Variants in C8orf34 observed in about 807,000 individuals in gnomAD.
C8orf34 encodes uncharacterized protein C8orf34.
In C8orf34, 65 loss-of-function variants were observed where a neutral mutation model predicts 68.3. That is an observed-to-expected ratio of 0.95 (90% CI 0.78 to 1.17). The LOEUF (loss-of-function observed/expected upper bound fraction) is 1.17, where lower values mean the gene tolerates loss of function less well. Ranked by LOEUF, C8orf34 falls within the 50% of genes most tolerant of loss-of-function variation. The probability of loss-of-function intolerance (pLI) is 0.00; values close to 1 mark genes in which losing one functional copy is unlikely to be tolerated. For synonymous variants in C8orf34, 244 were observed against 241.2 expected, an observed-to-expected ratio of 1.01 and a Z score of -0.11; for missense variants, 664 against 655.4, an observed-to-expected ratio of 1.01 and a Z score of -0.14.
At chr8:68,742,846 T>C (rs897079765) in intron 10 of C8orf34, among the ~76,000 whole-genome samples, 3 of 152,236 alleles carry the variant, frequency 2.0e-5, no homozygotes, top group Non-Finnish European at 4.4e-5. Context: ...TATTTCATCC[T>C]TCTGTGGAAA....
chr8:68,532,868 G>A (rs1245826470), intron 6 of C8orf34, 115 bp from the exon 7 acceptor site: 1 of 682,542 alleles, frequency 1.5e-6, no homozygotes, highest in Non-Finnish European at 2.4e-6. Context: ...CATTATCCTT[G>A]GGGAAAACTT....
At chr8:68,535,481 G>T in intron 7 of C8orf34, 2 of 965,480 alleles carry the variant, frequency 2.1e-6, no homozygotes, top group Non-Finnish European at 1.2e-6. Context: ...TATAAAAAAG[G>T]ATTATTCTTC....
intron 3 of C8orf34, among the ~76,000 whole-genome samples, chr8:68,459,834 T>C (rs1310859999): frequency 1.3e-5 from 2 of 152,194 alleles, no homozygotes; most frequent in African/African-American, 4.8e-5. Context: ...TAGGAACAGC[T>C]CCGGTCTACA....
At chr8:68,607,929 A>G (rs1817903430) in intron 7 of C8orf34, among the ~76,000 whole-genome samples, 1 of 152,144 alleles carries the variant, frequency 6.6e-6, no homozygotes, top group African/African-American at 2.4e-5. Flanking sequence ...AAGATGAATT[A>G]TAGAGCGACT....
intron 8 of C8orf34, among the ~76,000 whole-genome samples, chr8:68,670,095 A>G (rs985478167): frequency 1.3e-5 from 2 of 152,176 alleles, no homozygotes; most frequent in African/African-American, 4.8e-5. Flanking sequence ...TTTTCATCTT[A>G]GTATACTGAT....
At chr8:68,505,885 T>C (rs1459059361) in intron 5 of C8orf34, among the ~76,000 whole-genome samples, 1 of 152,292 alleles carries the variant, frequency 6.6e-6, no homozygotes, top group South Asian at 2.1e-4. Context: ...CTAGCAAATA[T>C]ATATTTTTTT....
Position 68,521,781 on chromosome 8 carries a change from T to G in C8orf34, c.766-18T>G. ...AGAAAAAGCCATCTAAGACAGCATA[T>G]TCTTTTCTTCTCTTCAGGAAACAGT... On this transcript the variant is annotated intron_variant, in intron 5 of 13. Coordinates refer to ENST00000518698, the MANE Select transcript of C8orf34 (RefSeq NM_052958.4). 6.2e-7 allele frequency: 1 copy of G among 1,604,334 alleles called. No homozygotes were observed. The highest frequency in any genetic ancestry group is 8.5e-7 in the Non-Finnish European group (1 of 1,174,726).
chr8:68,646,968 A>T (rs1177202291), intron 8 of C8orf34, among the ~76,000 whole-genome samples: 1 of 152,144 alleles, frequency 6.6e-6, no homozygotes. Flanking sequence ...TTTAATTCTA[A>T]AGCTTCTGCA....
intron 10 of C8orf34, among the ~76,000 whole-genome samples, chr8:68,746,224 A>G (rs1468005321): frequency 5.3e-5 from 8 of 151,804 alleles, no homozygotes; most frequent in African/African-American, 1.9e-4. Flanking sequence ...TCTCTCGGAC[A>G]CATTCAAAGC....
Position 68,709,041 on chromosome 8 carries a change from T to C in C8orf34, c.1289T>C (p.Ile430Thr). The change falls in exon 9 of 14, where the codon ATA becomes ACA. Residue 430 changes from isoleucine (I) to threonine (T), a missense_variant. Coordinates refer to ENST00000518698, the MANE Select transcript of C8orf34 (RefSeq NM_052958.4). ...GAAAGGACAGAAGAGTCACTACCAA[T>C]ACTCCATTCTCCAGATGAAAAAATC... ...LEERTEESLPILHSPDEKIPD... is the reference protein window; with the variant it reads ...LEERTEESLPTLHSPDEKIPD... The C allele has an allele frequency of 6.2e-7, 1 of 1,611,114 alleles. No individual in the cohort carries two copies. The highest frequency in any genetic ancestry group is 1.3e-5 in the African/African-American group (1 of 74,800).
At chr8:68,807,809 A>T (rs982612877) in intron 12 of C8orf34, among the ~76,000 whole-genome samples, 2 of 152,216 alleles carry the variant, frequency 1.3e-5, no homozygotes, top group African/African-American at 4.8e-5. Context: ...ACAATCTGAG[A>T]TTATTTGAAT....
At chr8:68,722,788 C>G (rs907401392) in intron 10 of C8orf34, among the ~76,000 whole-genome samples, 4 of 151,970 alleles carry the variant, frequency 2.6e-5, no homozygotes, top group Non-Finnish European at 5.9e-5. Flanking sequence ...ATGAAACACA[C>G]ACATACATAT....
At chr8:68,727,303 C>T (rs1400494740) in intron 10 of C8orf34, among the ~76,000 whole-genome samples, 1 of 152,208 alleles carries the variant, frequency 6.6e-6, no homozygotes, top group Non-Finnish European at 1.5e-5. Context: ...CCAAGTCACA[C>T]TGATGCAAGA....
intron 7 of C8orf34, among the ~76,000 whole-genome samples, chr8:68,620,989 G>A (rs1401893440): frequency 2.6e-5 from 4 of 152,118 alleles, no homozygotes; most frequent in Non-Finnish European, 4.4e-5. Context: ...CATAGAGTTA[G>A]AAATATATAA....
At chr8:68,392,101 G>A (rs1350386747) in intron 1 of C8orf34, among the ~76,000 whole-genome samples, 4 of 151,920 alleles carry the variant, frequency 2.6e-5, no homozygotes, top group Non-Finnish European at 5.9e-5. Context: ...TTCATTTTTT[G>A]CCATGAATTT....
chr8:68,764,412 A>G (rs1458698120), intron 10 of C8orf34, among the ~76,000 whole-genome samples: 1 of 152,198 alleles, frequency 6.6e-6, no homozygotes, highest in Non-Finnish European at 1.5e-5. Context: ...CTGTGGAGTC[A>G]ACAATGTAGG....
At position 68,445,934 on chromosome 8, in the gene C8orf34, C is replaced by T. The variant is rs111912310; in HGVS notation, c.476-395C>T. 9.2e-3 allele frequency among the ~76,000 whole-genome samples: 1,402 copies of T among 152,090 alleles called. 22 individuals are homozygous for T. Among genetic ancestry groups the T allele is most frequent in the African/African-American group, 0.031 (1,286 of 41,498 alleles). On this transcript the variant is annotated intron_variant, in intron 2 of 13. Coordinates refer to ENST00000518698, the MANE Select transcript of C8orf34 (RefSeq NM_052958.4). Reference sequence around the variant, plus strand: ...CCTCCTGAGTAGCTGTAATTACAGACGCCCGCCATCATGCCCGGCTAATTT... The same window carrying T: ...CCTCCTGAGTAGCTGTAATTACAGATGCCCGCCATCATGCCCGGCTAATTT...
At chr8:68,654,268 A>C (rs1190444095) in intron 8 of C8orf34, among the ~76,000 whole-genome samples, 1 of 152,180 alleles carries the variant, frequency 6.6e-6, no homozygotes, top group Non-Finnish European at 1.5e-5. Context: ...AGCCTACAGA[A>C]GTGTGAGCAA....
chr8:68,548,449 A>G (rs1815958360), intron 7 of C8orf34, among the ~76,000 whole-genome samples: 3 of 151,810 alleles, frequency 2.0e-5, no homozygotes, highest in Non-Finnish European at 4.4e-5. Flanking sequence ...ATAATTAACC[A>G]TCAGGGAAAT....
Sources: gnomAD v4.1 joint callset for allele counts (sites outside exome capture counted in the v4.1 genomes callset) on GRCh38, gnomAD v4.1.1 for gene constraint, MANE v1.5 for transcripts, NCBI Gene and HGNC (gene_info 2026-07-23, HGNC 2026-07-21) for gene names.